The following ERI1 variants were observed in gnomAD, a reference collection of about 807,000 sequenced individuals.
ERI1 encodes 3'-5' exoribonuclease 1.
In ERI1, 39 loss-of-function variants were observed where a neutral mutation model predicts 39.7. That is an observed-to-expected ratio of 0.98 (90% CI 0.76 to 1.28). The LOEUF (loss-of-function observed/expected upper bound fraction) is 1.28, where lower values mean the gene tolerates loss of function less well. Among genes scored for constraint, ERI1 ranks in the 50% most tolerant of loss-of-function variants. The pLI is 0.00. For missense variants in ERI1, 581 were observed against 416.9 expected, an observed-to-expected ratio of 1.39 and a Z score of -3.43; for synonymous variants, 204 against 149.6, an observed-to-expected ratio of 1.36 and a Z score of -2.65.
At position 9,002,963 on chromosome 8, in the gene ERI1, C is replaced by T. The variant is rs1003272057; in HGVS notation, c.-101C>T. 8.2e-6 allele frequency: 7 copies of T among 858,726 alleles called. No homozygotes were observed. The highest frequency in any genetic ancestry group is 1.1e-5 in the Non-Finnish European group (7 of 644,520). The allele number at this position is 858,726 out of a possible 1,614,324, so 53.2% of individuals were successfully genotyped here. ...GGCCGCCGCCGCGGGAACGCGAGCC[C>T]GGTAATTTTTCAACGGAGAAAGGCG... is the stretch of plus-strand genomic sequence containing the variant. On this transcript the variant is annotated 5_prime_UTR_variant, in exon 1 of 7. Transcript: ENST00000250263.
rs564946590 is a variant in ERI1, at chr8:9,075,488, CT to C, written n.300-40848del. On this transcript the variant is annotated intron_variant and non_coding_transcript_variant, in intron 3 of 3. Transcript: ENST00000518663. ...GGTTAATATCACATGCTGAACATGC[CT>C]TTTTTTTTTTTGCAATGCTTTATTT... 1.5e-3 allele frequency among the ~76,000 whole-genome samples: 206 copies of C among 142,030 alleles called. 1 individual carries two copies. The highest frequency in any genetic ancestry group is 1.2e-3 in the African/African-American group (48 of 38,950). 93.2% of individuals were successfully genotyped at this position (142,030 alleles called of 152,430 possible).
intron 3 of ERI1, among the ~76,000 whole-genome samples, 179 bp from the exon 4 acceptor site, chr8:9,016,142 CA>C (rs113986162): frequency 2.6e-5 from 4 of 152,118 alleles, no homozygotes; most frequent in Admixed American, 1.3e-4. Context: ...TGAATCAATT[CA>C]TTTTTTAATT....
intron 6 of ERI1, among the ~76,000 whole-genome samples, chr8:9,025,702 T>TTTTGTG (rs1554519271): frequency 6.8e-6 from 1 of 147,770 alleles, no homozygotes; most frequent in Non-Finnish European, 1.5e-5. Context: ...TCTTTTTTTT[T>TTTTGTG]TGTGTGTGTG....
chr8:9,005,947 A>G (rs1482821670), intron 1 of ERI1, among the ~76,000 whole-genome samples: 1 of 152,194 alleles, frequency 6.6e-6, no homozygotes, highest in Non-Finnish European at 1.5e-5. Context: ...ATATTGCAAA[A>G]TGTTACAGTT....
intron 1 of ERI1, among the ~76,000 whole-genome samples, chr8:9,007,197 T>C (rs1816110357): frequency 1.3e-5 from 2 of 152,192 alleles, no homozygotes; most frequent in South Asian, 4.1e-4. Flanking sequence ...AAATTCATAA[T>C]TCTATAGTTC....
intron 3 of ERI1, among the ~76,000 whole-genome samples, chr8:9,082,561 C>T (rs1167057173): frequency 1.3e-5 from 2 of 152,146 alleles, no homozygotes; most frequent in African/African-American, 4.8e-5. Context: ...CAGGAATGAT[C>T]TGTACTTCTT....
downstream of ERI1, chr8:9,033,375 A>G (rs943364671): frequency 2.0e-5 from 3 of 152,224 alleles, no homozygotes; most frequent in African/African-American, 7.2e-5. Flanking sequence ...ATCTCTGACC[A>G]CTTTTGTGCT....
At chr8:9,074,134 A>G (rs1016712005) in intron 3 of ERI1, among the ~76,000 whole-genome samples, 2 of 151,620 alleles carry the variant, frequency 1.3e-5, no homozygotes, top group African/African-American at 4.8e-5. Flanking sequence ...TTTTTGAGAC[A>G]TGGTCTTGCT....
chr8:9,010,200 A>G (rs1165770898), intron 2 of ERI1, among the ~76,000 whole-genome samples: 2 of 152,238 alleles, frequency 1.3e-5, no homozygotes, highest in African/African-American at 4.8e-5. Flanking sequence ...TGTTAAAGAT[A>G]GCAGGTTTCT....
rs1213749506 is a variant in ERI1, at chr8:9,003,107, C to G, written c.44C>G (p.Ala15Gly). The change falls in exon 1 of 7, where the codon GCT becomes GGT. Residue 15 changes from alanine (A) to glycine (G), a missense_variant. Coordinates refer to ENST00000250263, the MANE Select transcript of ERI1 (RefSeq NM_153332.4). ...AAAGAGCCTGCCGGCGAGGCCGTGG[C>G]TCTCGCGCTGCTGGAGTCGCCGCGG... is the stretch of plus-strand genomic sequence containing the variant. The part of the protein sequence containing the change: ...QSKEPAGEAV[A>G]LALLESPRPE... 5 of 1,247,572 alleles carry G rather than the reference C, an allele frequency of 4.0e-6. No individual in the cohort carries two copies. The highest frequency in any genetic ancestry group is 5.1e-6 in the Non-Finnish European group (5 of 989,840). 77.3% of individuals were successfully genotyped at this position (1,247,572 alleles called of 1,614,324 possible).
chr8:9,023,593 G>T (rs945692059), intron 6 of ERI1, among the ~76,000 whole-genome samples: 3 of 151,856 alleles, frequency 2.0e-5, no homozygotes, highest in Admixed American at 1.3e-4. Context: ...CTCTTTTTGT[G>T]TGTGGTTTTC....
In ERI1 at chr8:9,016,236, A is replaced by G. The variant is rs897203089; in HGVS notation, c.499-86A>G. 8.8e-6 allele frequency: 6 copies of G among 679,810 alleles called. No individual in the cohort carries two copies. In the African/African-American group the frequency reaches 9.2e-5, roughly 10 times the overall value. The allele number at this position is 679,810 out of a possible 1,614,324, so 42.1% of individuals were successfully genotyped here. A position where few individuals can be genotyped will look rare whatever the true frequency, so the allele number is the denominator to read the frequency against. ...TGCCGTGAGATCCTATGAAATTGCA[A>G]CCTGCTGTGATGAATTCGTCGTGTA... On this transcript the variant is annotated intron_variant, in intron 3 of 6. Coordinates refer to ENST00000250263, the MANE Select transcript of ERI1 (RefSeq NM_153332.4).
intron 3 of ERI1, among the ~76,000 whole-genome samples, chr8:9,057,622 A>G (rs1248284198): frequency 6.6e-6 from 1 of 152,254 alleles, no homozygotes; most frequent in Non-Finnish European, 1.5e-5. Flanking sequence ...GAAAAAGACA[A>G]AAATCCCTCT....
At chr8:9,006,763 C>T (rs901817954) in intron 1 of ERI1, among the ~76,000 whole-genome samples, 1 of 152,106 alleles carries the variant, frequency 6.6e-6, no homozygotes, top group African/African-American at 2.4e-5. Context: ...AACTGCTGAC[C>T]TCTTCCTCAA....
chr8:9,012,966 C>T (rs1465158811), intron 3 of ERI1, among the ~76,000 whole-genome samples: 20 of 152,116 alleles, frequency 1.3e-4, no homozygotes, highest in Non-Finnish European at 2.2e-4. Flanking sequence ...TAAAATCACT[C>T]ATCAACATCA....
chr8:9,014,973 A>G lies in ERI1; in HGVS notation c.499-1349A>G, dbSNP rs28689085. Among the ~76,000 whole-genome samples, 1,206 of 152,094 alleles carry G rather than the reference A, an allele frequency of 7.9e-3. 16 individuals carry two copies. Among genetic ancestry groups the G allele is most frequent in the African/African-American group, 0.028 (1,159 of 41,496 alleles). On this transcript the variant is annotated intron_variant, in intron 3 of 6. Coordinates refer to ENST00000250263, the MANE Select transcript of ERI1 (RefSeq NM_153332.4). ...CCACCTCAGCTCCTTGAGTAGTTGG[A>G]ACTATACGTGCATGCCACCTCGCCC...
intron 3 of ERI1, among the ~76,000 whole-genome samples, chr8:9,097,401 G>A (rs113077833): frequency 2.9e-3 from 437 of 152,216 alleles, no homozygotes; most frequent in Non-Finnish European, 3.6e-3. Flanking sequence ...GGTGGCTCAC[G>A]CCTGTAATCC....
intron 3 of ERI1, among the ~76,000 whole-genome samples, chr8:9,063,790 A>C (rs1287893258): frequency 1.3e-5 from 2 of 152,158 alleles, no homozygotes; most frequent in African/African-American, 4.8e-5. Flanking sequence ...ATTTGGAACC[A>C]CTGTAGAGTT....
chr8:9,092,274 G>C (rs11778592), intron 3 of ERI1, among the ~76,000 whole-genome samples: 1 of 151,990 alleles, frequency 6.6e-6, no homozygotes, highest in Non-Finnish European at 1.5e-5. Flanking sequence ...GTGTTTCAGC[G>C]ATGGCATCCC....
Sources: allele counts gnomAD v4.1 joint callset (sites outside exome capture counted in the v4.1 genomes callset), GRCh38; gene constraint gnomAD v4.1.1; transcripts MANE v1.5; gene names NCBI Gene and HGNC (gene_info 2026-07-23, HGNC 2026-07-21).